CSGALNACT1: variants seen among roughly 807,000 people sequenced by gnomAD.
CSGALNACT1 encodes the protein beta4GalNAcT-1.
A neutral mutation model predicts 51.0 loss-of-function variants in CSGALNACT1; 52 were observed. That is an observed-to-expected ratio of 1.02 (90% CI 0.82 to 1.29). The LOEUF is 1.29. Ranked by LOEUF, CSGALNACT1 falls within the 50% of genes most tolerant of loss-of-function variation. The pLI is 0.00. For synonymous variants in CSGALNACT1, 341 were observed against 254.4 expected (o/e 1.34, Z -3.24); for missense variants, 935 against 679.2 (o/e 1.38, Z -4.19).
chr8:19,634,645 G>T (rs535796263), intron 1 of CSGALNACT1, among the ~76,000 whole-genome samples: 1 of 152,190 alleles, frequency 6.6e-6, no homozygotes, highest in Non-Finnish European at 1.5e-5. Flanking sequence ...CTGGGCAACA[G>T]AGTGAGACCT....
At position 19,757,022 on chromosome 8, in the gene CSGALNACT1, G is replaced by A. The variant is rs1447986687; in HGVS notation, c.-297+828C>T. ...GGCCCCCGGCGGGCAGCGGCGGAGGGAGGCCAGGCGCGGCACCGTCCTCCG... is the reference window on the plus strand; with the variant it reads ...GGCCCCCGGCGGGCAGCGGCGGAGGAAGGCCAGGCGCGGCACCGTCCTCCG... On this transcript the variant is annotated intron_variant, in intron 1 of 1. Transcript: ENST00000517494. This position sits in a 1 kb window ranked among gnomAD's most constrained non-coding sequence, Gnocchi z 4.0. Among the ~76,000 whole-genome samples, 1 of 150,856 alleles carries A rather than the reference G, an allele frequency of 6.6e-6. No individual in the cohort carries two copies. Among genetic ancestry groups the A allele is most frequent in the Admixed American group, 6.6e-5 (1 of 15,150 alleles).
exon 4 of CSGALNACT1, chr8:19,505,812 A>G (rs2077226259): frequency 6.2e-7 from 1 of 1,612,846 alleles, no homozygotes; most frequent in Non-Finnish European, 8.5e-7. Context: ...CCACGCAAGC[A>G]GCCCCCGGCG....
chr8:19,557,963 G>A (rs2039843290), intron 3 of CSGALNACT1, among the ~76,000 whole-genome samples: 1 of 152,118 alleles, frequency 6.6e-6, no homozygotes, highest in African/African-American at 2.4e-5. Flanking sequence ...CAAAAGACAT[G>A]TAAAAATGAA....
chr8:19,676,027 C>G (rs1464614897), intron 1 of CSGALNACT1, among the ~76,000 whole-genome samples: 1 of 143,958 alleles, frequency 6.9e-6, no homozygotes, highest in Non-Finnish European at 1.5e-5. Flanking sequence ...CAATAGAGAT[C>G]GAGACAGAAC....
chr8:19,558,136 ACCAC>A (rs757644396), intron 3 of CSGALNACT1, among the ~76,000 whole-genome samples: 9 of 152,220 alleles, frequency 5.9e-5, no homozygotes, highest in Non-Finnish European at 1.0e-4. Flanking sequence ...TCAGCTGATC[ACCAC>A]CACAGAATGT....
chr8:19,465,378 A>G (rs2066441354), intron 4 of CSGALNACT1, among the ~76,000 whole-genome samples: 1 of 152,200 alleles, frequency 6.6e-6, no homozygotes, highest in African/African-American at 2.4e-5. Flanking sequence ...TAATGGGTAC[A>G]GAGTTTCTGT....
chr8:19,681,201 G>T (rs932253757), intron 1 of CSGALNACT1, among the ~76,000 whole-genome samples: 3 of 152,074 alleles, frequency 2.0e-5, no homozygotes, highest in African/African-American at 7.2e-5. Context: ...AGCCCCCACT[G>T]CCCCTGCCAA....
chr8:19,538,010 C>T lies in CSGALNACT1; in HGVS notation c.-296-31880G>A, dbSNP rs892142645. ...GTATCTAACAAAGGACTAGCACCAA[C>T]CTTTAGTCAGATATAAAGAACACTT... On this transcript the variant is annotated intron_variant, in intron 3 of 9. Coordinates refer to ENST00000454498, the Ensembl canonical transcript of CSGALNACT1. Among the ~76,000 whole-genome samples, 9 of 152,230 alleles carry T rather than the reference C, an allele frequency of 5.9e-5. No homozygotes were observed. In the East Asian group the frequency reaches 1.7e-3, roughly 29 times the overall value.
intron 3 of CSGALNACT1, among the ~76,000 whole-genome samples, chr8:19,515,480 C>G (rs1308221602): frequency 1.3e-5 from 2 of 152,298 alleles, no homozygotes; most frequent in East Asian, 3.9e-4. Context: ...TCCATCCCCT[C>G]AACTCCTCGT....
intron 4 of CSGALNACT1, among the ~76,000 whole-genome samples, chr8:19,475,094 G>C (rs1015117580): frequency 6.6e-6 from 1 of 152,104 alleles, no homozygotes; most frequent in Non-Finnish European, 1.5e-5. Flanking sequence ...ACCCAGACAG[G>C]GGAGTCTCTA....
chr8:19,493,290 C>CT (rs926693387), intron 4 of CSGALNACT1, among the ~76,000 whole-genome samples: 2 of 152,078 alleles, frequency 1.3e-5, no homozygotes, highest in African/African-American at 2.4e-5. Context: ...AGTTTCCACT[C>CT]TTTTTTGGGG....
At chr8:19,475,970 C>A (rs995197848) in intron 4 of CSGALNACT1, among the ~76,000 whole-genome samples, 3 of 152,202 alleles carry the variant, frequency 2.0e-5, no homozygotes, top group Non-Finnish European at 2.9e-5. Flanking sequence ...TGAAACATGA[C>A]TTGCCATGTC....
intron 1 of CSGALNACT1, among the ~76,000 whole-genome samples, chr8:19,691,572 A>C (rs1196641294): frequency 6.6e-6 from 1 of 152,208 alleles, no homozygotes; most frequent in Non-Finnish European, 1.5e-5. Context: ...CCAGTCCTGC[A>C]GCTCCACAGC....
chr8:19,675,407 A>C (rs2060102231), intron 1 of CSGALNACT1, among the ~76,000 whole-genome samples: 1 of 152,148 alleles, frequency 6.6e-6, no homozygotes, highest in African/African-American at 2.4e-5. Context: ...GAAATCAAAG[A>C]GGAAAAGGGA....
At chr8:19,671,850 G>A (rs1246994331) in intron 1 of CSGALNACT1, among the ~76,000 whole-genome samples, 4 of 152,026 alleles carry the variant, frequency 2.6e-5, no homozygotes, top group Non-Finnish European at 4.4e-5. Flanking sequence ...ATTATATAAT[G>A]AGGATATCCC....
intron 1 of CSGALNACT1, among the ~76,000 whole-genome samples, chr8:19,631,662 A>T (rs146781590): frequency 9.1e-4 from 138 of 152,362 alleles, no homozygotes; most frequent in Non-Finnish European, 1.7e-3. Context: ...GTGTCCCTTC[A>T]CTAATATGCC....
chr8:19,503,477 T>C (rs188695752), intron 4 of CSGALNACT1, among the ~76,000 whole-genome samples: 2 of 152,278 alleles, frequency 1.3e-5, no homozygotes, highest in East Asian at 1.9e-4. Context: ...ACATTCCAAA[T>C]TGCAGACACT....
chr8:19,456,406 G>A (rs1166180171), intron 5 of CSGALNACT1, among the ~76,000 whole-genome samples: 1 of 152,190 alleles, frequency 6.6e-6, no homozygotes, highest in African/African-American at 2.4e-5. Flanking sequence ...TTTGCCAAAT[G>A]AACTTGCGAT....
intron 1 of CSGALNACT1, among the ~76,000 whole-genome samples, chr8:19,703,972 T>A (rs145039377): frequency 2.6e-5 from 4 of 152,288 alleles, no homozygotes; most frequent in African/African-American, 9.6e-5. Context: ...TGTCAGACCC[T>A]TGAGGGTATC....
Sources: allele counts gnomAD v4.1 joint callset (sites outside exome capture counted in the v4.1 genomes callset), GRCh38; gene constraint gnomAD v4.1.1; non-coding constraint Gnocchi (gnomAD v3.1); transcripts MANE v1.5; gene names NCBI Gene and HGNC (gene_info 2026-07-23, HGNC 2026-07-21).